RANBP10: variants seen among roughly 807,000 people sequenced by gnomAD.
The protein encoded by RANBP10 is ran-binding protein 10.
RANBP10 carries 24 observed loss-of-function variants against 72.8 expected under a neutral mutation model. That is an observed-to-expected ratio of 0.33 (90% CI 0.24 to 0.46). RANBP10 has a LOEUF of 0.46. Among genes scored for constraint, RANBP10 ranks in the 20% least tolerant of loss-of-function variants. The pLI, the probability that RANBP10 is intolerant of heterozygous loss-of-function variation, is 1.00. For missense variants in RANBP10, 679 were observed against 817.5 expected (o/e 0.83, Z 2.07); for synonymous variants, 310 against 322.3 (o/e 0.96, Z 0.41).
intron 3 of RANBP10, among the ~76,000 whole-genome samples, chr16:67,759,292 C>T (rs915016567): frequency 1.2e-4 from 18 of 152,208 alleles, no homozygotes; most frequent in Non-Finnish European, 7.3e-5. Flanking sequence ...AAGGCAGCAC[C>T]AGGTACACAA....
At chr16:67,743,603 AC>A (rs1314543325) in intron 4 of RANBP10, among the ~76,000 whole-genome samples, 2 of 152,116 alleles carry the variant, frequency 1.3e-5, no homozygotes, top group Non-Finnish European at 2.9e-5. Flanking sequence ...CTCCTGGTTA[AC>A]AACAGTACTA....
intron 3 of RANBP10, among the ~76,000 whole-genome samples, chr16:67,756,942 C>T (rs927025963): frequency 4.6e-5 from 7 of 152,158 alleles, no homozygotes; most frequent in South Asian, 2.1e-4. Context: ...CAGTGGCTCA[C>T]GCCTGTTATC....
intron 1 of RANBP10, 88 bp downstream of exon 1, chr16:67,806,214 A>G: frequency 1.6e-6 from 2 of 1,278,708 alleles, no homozygotes; most frequent in South Asian, 2.9e-5. Context: ...CTAGGCAGGG[A>G]AAGGGAGGTG....
At chr16:67,765,835 AAATAAATAAATTAT>A (rs776601739) in intron 3 of RANBP10, among the ~76,000 whole-genome samples, 37 of 152,048 alleles carry the variant, frequency 2.4e-4, no homozygotes, top group Admixed American at 6.6e-4. Context: ...GACTCCATCT[AAATAAATAAATTAT>A]AATAAATAAA....
chr16:67,727,032 C>T (rs746651325), intron 13 of RANBP10, among the ~76,000 whole-genome samples: 37 of 152,182 alleles, frequency 2.4e-4, no homozygotes, highest in Non-Finnish European at 2.4e-4. Context: ...TGGTGGCTCA[C>T]ACCTGTAATC....
chr16:67,758,372 G>A (rs1471840882), intron 3 of RANBP10, among the ~76,000 whole-genome samples: 3 of 152,216 alleles, frequency 2.0e-5, no homozygotes, highest in Non-Finnish European at 4.4e-5. Context: ...TTTAGCTTTT[G>A]CTTGTTTCCC....
intron 3 of RANBP10, among the ~76,000 whole-genome samples, chr16:67,754,977 G>C (rs1018998631): frequency 1.3e-5 from 2 of 152,172 alleles, no homozygotes; most frequent in Non-Finnish European, 2.9e-5. Flanking sequence ...AGAGGAAACT[G>C]AGGCACTAAG....
At chr16:67,796,877 T>C (rs1409961445) in intron 2 of RANBP10, among the ~76,000 whole-genome samples, 1 of 152,162 alleles carries the variant, frequency 6.6e-6, no homozygotes, top group African/African-American at 2.4e-5. Flanking sequence ...CCAACGATCC[T>C]AGAATTACAA....
At chr16:67,797,464 T>C (rs1002177274) in intron 2 of RANBP10, among the ~76,000 whole-genome samples, 2 of 151,200 alleles carry the variant, frequency 1.3e-5, no homozygotes, top group Admixed American at 1.3e-4. Flanking sequence ...AGCGTAGGAG[T>C]TCCAGACCAG....
chr16:67,737,082 G>A lies in RANBP10; in HGVS notation c.591+931C>T, dbSNP rs118147709. Reference sequence around the variant, plus strand: ...TCATAATAGAGACTGGAGTACAGGTGCGGGATGGCTGGAGGTGAGGATATG... The same window carrying A: ...TCATAATAGAGACTGGAGTACAGGTACGGGATGGCTGGAGGTGAGGATATG... On this transcript the variant is annotated intron_variant, in intron 5 of 13. Coordinates refer to ENST00000317506, the MANE Select transcript of RANBP10 (RefSeq NM_020850.3). Among the ~76,000 whole-genome samples the A allele has an allele frequency of 5.9e-3, 896 of 151,420 alleles. 4 individuals are homozygous for A. Among genetic ancestry groups the A allele is most frequent in the Non-Finnish European group, 0.01 (698 of 67,950 alleles).
chr16:67,787,384 A>G (rs1170343318), intron 2 of RANBP10, among the ~76,000 whole-genome samples: 9 of 152,094 alleles, frequency 5.9e-5, no homozygotes, highest in Admixed American at 3.9e-4. Context: ...AATAAAATAA[A>G]TGTTGGCAAG....
At chr16:67,750,606 G>T (rs1187768899) in intron 3 of RANBP10, among the ~76,000 whole-genome samples, 1 of 152,152 alleles carries the variant, frequency 6.6e-6, no homozygotes, top group Non-Finnish European at 1.5e-5. Flanking sequence ...GTGTGCACAA[G>T]CACATATGTG....
chr16:67,763,001 C>T (rs1358190340), intron 3 of RANBP10, among the ~76,000 whole-genome samples: 1 of 152,100 alleles, frequency 6.6e-6, no homozygotes, highest in African/African-American at 2.4e-5. Context: ...AAGGGCAGTC[C>T]CAGGGCAAGA....
At chr16:67,804,298 A>G (rs2055292409) in intron 2 of RANBP10, among the ~76,000 whole-genome samples, 1 of 152,182 alleles carries the variant, frequency 6.6e-6, no homozygotes, top group Non-Finnish European at 1.5e-5. Flanking sequence ...TCACTGGGAA[A>G]AAAAGGGAGA....
At chr16:67,782,964 C>A (rs1371272991) in intron 2 of RANBP10, among the ~76,000 whole-genome samples, 2 of 151,976 alleles carry the variant, frequency 1.3e-5, no homozygotes, top group Non-Finnish European at 2.9e-5. Context: ...CTCTGGATCA[C>A]CCCAGGACAT....
chr16:67,758,153 G>C (rs1442264860), intron 3 of RANBP10, among the ~76,000 whole-genome samples: 2 of 152,212 alleles, frequency 1.3e-5, no homozygotes, highest in Admixed American at 1.3e-4. Flanking sequence ...AACGGCCCAG[G>C]GGGGCCAGGC....
chr16:67,764,069 A>C (rs1273520217), intron 3 of RANBP10, among the ~76,000 whole-genome samples: 2 of 152,226 alleles, frequency 1.3e-5, no homozygotes, highest in Non-Finnish European at 2.9e-5. Context: ...GTACAGGTGG[A>C]AATCAGGGAG....
Position 67,726,385 on chromosome 16 carries a change from T to C in RANBP10, c.*43A>G. 1.9e-6 allele frequency: 3 copies of C among 1,608,864 alleles called. 1 individual carries two copies. The South Asian group carries it at 3.3e-5, about 18-fold the overall frequency. On this transcript the variant is annotated 3_prime_UTR_variant, in exon 14 of 14. Coordinates refer to ENST00000317506, the MANE Select transcript of RANBP10 (RefSeq NM_020850.3). ...ATGGAGGGCAGGGCAGCTCCAGCCC[T>C]GGGGCCAGTGGAGGGCCAGCCAGAG... is the stretch of plus-strand genomic sequence containing the variant.
At chr16:67,738,146 G>A (rs1443526864) in intron 4 of RANBP10, 111 bp from the exon 5 acceptor site, 2 of 1,280,190 alleles carry the variant, frequency 1.6e-6, no homozygotes, top group Non-Finnish European at 2.1e-6. Context: ...TTGGTTTGTT[G>A]TTGTTGTTTT....
Sources: allele counts gnomAD v4.1 joint callset (sites outside exome capture counted in the v4.1 genomes callset), GRCh38; gene constraint gnomAD v4.1.1; transcripts MANE v1.5; gene names NCBI Gene and HGNC (gene_info 2026-07-23, HGNC 2026-07-21).